The following CNKSR2 variants were observed in gnomAD, a reference collection of about 807,000 sequenced individuals.
CNKSR2 encodes CNK homolog protein 2.
CNKSR2 carries 14 observed loss-of-function variants against 84.4 expected under a neutral mutation model. The observed-to-expected ratio is 0.17, with a 90% CI of 0.11 to 0.26. The LOEUF (loss-of-function observed/expected upper bound fraction) is 0.26. Ranked by LOEUF, CNKSR2 falls within the 10% of genes least tolerant of loss-of-function variation. The pLI is 1.00. For missense variants in CNKSR2, 485 were observed against 771.2 expected, an observed-to-expected ratio of 0.63 and a Z score of 4.40; for synonymous variants, 275 against 277.9, an observed-to-expected ratio of 0.99 and a Z score of 0.10.
At chrX:21,441,870 C>T (rs957847996) in intron 4 of CNKSR2, among the ~76,000 whole-genome samples, 1 of 111,796 alleles carries the variant, frequency 8.9e-6, no homozygotes, top group African/African-American at 3.2e-5. Flanking sequence ...TTGAAATATG[C>T]TGTGCTTCAA....
intron 4 of CNKSR2, among the ~76,000 whole-genome samples, chrX:21,468,098 C>T (rs2091151942): frequency 9.0e-6 from 1 of 110,500 alleles, no homozygotes; most frequent in Non-Finnish European, 1.9e-5. Flanking sequence ...AGCATGAATA[C>T]TTTGAAATTC....
At chrX:21,551,266 A>G (rs917504088) in intron 11 of CNKSR2, among the ~76,000 whole-genome samples, 5 of 111,564 alleles carry the variant, frequency 4.5e-5, no homozygotes, top group African/African-American at 1.6e-4. Context: ...CCTAATGTAG[A>G]TGATGGGTTG....
intron 1 of CNKSR2, among the ~76,000 whole-genome samples, chrX:21,375,693 T>G (rs977336018): frequency 8.9e-5 from 10 of 112,453 alleles, no homozygotes; most frequent in African/African-American, 3.2e-4. Flanking sequence ...GGCTTTTTAT[T>G]AAGGGCTCAA....
chrX:21,477,422 A>C (rs1423897432), intron 5 of CNKSR2, among the ~76,000 whole-genome samples: 4 of 109,859 alleles, frequency 3.6e-5, no homozygotes, highest in Non-Finnish European at 7.6e-5. Context: ...TTTTTTCTCC[A>C]AGCTATTTTT....
intron 9 of CNKSR2, 27 bp downstream of exon 9, chrX:21,516,658 C>T (rs780236462): frequency 6.0e-6 from 7 of 1,170,000 alleles, no homozygotes. Context: ...ATAAGTCATA[C>T]ACCATCATTT....
chrX:21,558,727 T>C (rs1187928799), intron 11 of CNKSR2, among the ~76,000 whole-genome samples: 1 of 111,423 alleles, frequency 9.0e-6, no homozygotes, highest in African/African-American at 3.2e-5. Context: ...ATGTATTTCA[T>C]ATTCTGTGTG....
intron 11 of CNKSR2, among the ~76,000 whole-genome samples, chrX:21,550,959 C>G (rs2092083851): frequency 9.3e-6 from 1 of 107,929 alleles, no homozygotes; most frequent in African/African-American, 3.4e-5. Flanking sequence ...TCACTTCAAC[C>G]TGGGAAGCGG....
In CNKSR2 at chrX:21,374,979, G is replaced by A. The variant is rs771354882; in HGVS notation, c.64+18G>A. 1.7e-6 allele frequency: 2 copies of A among 1,186,930 alleles called. No homozygotes were observed. Among genetic ancestry groups the A allele is most frequent in the Admixed American group, 2.2e-5 (1 of 46,037 alleles). ...GATGAAAGGTAATGCCCGCTGCGGG[G>A]AGGGTGAGGCGGCACTGGGGCGCGG... On this transcript the variant is annotated intron_variant, in intron 1 of 21. Coordinates refer to ENST00000379510, the MANE Select transcript of CNKSR2 (RefSeq NM_014927.5).
chrX:21,460,337 G>C (rs1350249036), intron 4 of CNKSR2, among the ~76,000 whole-genome samples: 2 of 111,366 alleles, frequency 1.8e-5, no homozygotes, highest in Non-Finnish European at 3.8e-5. Context: ...CATTTCCTCA[G>C]GCTTGAACAC....
At chrX:21,452,827 C>T (rs1403940608) in intron 4 of CNKSR2, among the ~76,000 whole-genome samples, 2 of 88,167 alleles carry the variant, frequency 2.3e-5, no homozygotes, top group Non-Finnish European at 4.4e-5. Flanking sequence ...TTTTGCAGAC[C>T]CCATGTGTTA....
chrX:21,581,964 G>C (rs2092356146), intron 13 of CNKSR2, among the ~76,000 whole-genome samples: 1 of 111,697 alleles, frequency 9.0e-6, no homozygotes, highest in Non-Finnish European at 1.9e-5. Context: ...TAGTCAAAAG[G>C]CAGGCTGGAT....
rs2146928773 is a variant in CNKSR2 at position 21,374,615 on chromosome X, A to AGCAGCAGCAGCC, written c.-272_-271insCGCAGCAGCAGC. On this transcript the variant is annotated 5_prime_UTR_variant, in exon 1 of 22. Transcript: ENST00000379510. ...CGGAGGCAGCAGCAGCAGCAGCAGCAGCAGCAGCAGCAGCAGCCGCCGCCG... is the reference window on the plus strand; with the variant it reads ...CGGAGGCAGCAGCAGCAGCAGCAGCAGCAGCAGCAGCCGCAGCAGCAGCAGCAGCCGCCGCCG... 7.9e-6 allele frequency: 4 copies of AGCAGCAGCAGCC among 505,902 alleles called. No homozygotes were observed. In the East Asian group the frequency reaches 1.6e-4, roughly 20 times the overall value. The allele number at this position is 505,902 out of a possible 1,213,427, so 41.7% of individuals were successfully genotyped here.
At chrX:21,552,721 C>T (rs2092104826) in intron 11 of CNKSR2, among the ~76,000 whole-genome samples, 1 of 111,837 alleles carries the variant, frequency 8.9e-6, no homozygotes, top group South Asian at 3.7e-4. Flanking sequence ...AAAGTTCAAA[C>T]TAAAGTAAGA....
intron 17 of CNKSR2, among the ~76,000 whole-genome samples, chrX:21,598,107 T>TAA (rs1289872337): frequency 9.1e-6 from 1 of 110,101 alleles, no homozygotes; most frequent in Non-Finnish European, 1.9e-5. Flanking sequence ...CACCTTCTAT[T>TAA]TTGAGAAGCA....
At chrX:21,526,727 A>T in intron 9 of CNKSR2, 140 bp from the exon 10 acceptor site, 1 of 529,066 alleles carries the variant, frequency 1.9e-6, no homozygotes, top group Non-Finnish European at 3.0e-6. Context: ...ATGTTTCTTG[A>T]TTTCAGCCAA....
chrX:21,607,657 A>C (rs1487968542), intron 19 of CNKSR2, among the ~76,000 whole-genome samples: 1 of 111,085 alleles, frequency 9.0e-6, no homozygotes, highest in East Asian at 2.8e-4. Flanking sequence ...TACAAAAATT[A>C]GCCAGGCATG....
intron 4 of CNKSR2, among the ~76,000 whole-genome samples, chrX:21,465,684 C>T (rs2091117906): frequency 9.0e-6 from 1 of 110,975 alleles, no homozygotes; most frequent in Admixed American, 9.7e-5. Context: ...TAGAGATATA[C>T]ACTATTTCCC....
At chrX:21,624,953 A>G (rs2092616788) in intron 20 of CNKSR2, among the ~76,000 whole-genome samples, 1 of 112,137 alleles carries the variant, frequency 8.9e-6, no homozygotes, top group Non-Finnish European at 1.9e-5. Flanking sequence ...AGAAGCCATG[A>G]GGCTTGACTG....
chrX:21,618,754 T>C (rs756600130), intron 20 of CNKSR2, among the ~76,000 whole-genome samples: 35 of 112,095 alleles, frequency 3.1e-4, no homozygotes, highest in Non-Finnish European at 5.8e-4. Flanking sequence ...GTTTGCTGTA[T>C]CAATATATAA....
Sources: gnomAD v4.1 joint callset for allele counts (sites outside exome capture counted in the v4.1 genomes callset) on GRCh38, gnomAD v4.1.1 for gene constraint, MANE v1.5 for transcripts, NCBI Gene and HGNC (gene_info 2026-07-23, HGNC 2026-07-21) for gene names.